ATXN7L1: variants seen among roughly 807,000 people sequenced by gnomAD.
The protein encoded by ATXN7L1 is ataxin 7 like 1, also known as ataxin-7-like protein 1.
In ATXN7L1, 15 loss-of-function variants were observed where a neutral mutation model predicts 70.8. The ratio of observed to expected loss-of-function variants is 0.21; its 90% confidence interval spans 0.14 to 0.33. The LOEUF (loss-of-function observed/expected upper bound fraction) is 0.33, where lower values mean the gene tolerates loss of function less well. ATXN7L1 is among the 10% of genes least tolerant of loss of function. The pLI, the probability that ATXN7L1 is intolerant of heterozygous loss-of-function variation, is 1.00. For missense variants in ATXN7L1, 975 were observed against 1,097.1 expected (o/e 0.89, Z 1.57); for synonymous variants, 440 against 445.1 (o/e 0.99, Z 0.14).
chr7:105,816,740 A>G (rs115462188), intron 2 of ATXN7L1, among the ~76,000 whole-genome samples: 3,110 of 152,362 alleles, frequency 0.02, 102 homozygotes, highest in African/African-American at 0.069. Context: ...GTTCCTATGC[A>G]GGACAAGCCA....
At chr7:105,856,586 C>CAAA (rs375731226) in intron 2 of ATXN7L1, among the ~76,000 whole-genome samples, 3 of 80,274 alleles carry the variant, frequency 3.7e-5, no homozygotes, top group Non-Finnish European at 7.5e-5. Flanking sequence ...GACTCAGTCT[C>CAAA]AAAAAAAAAA....
At chr7:105,678,427 T>C (rs1805045300) in intron 3 of ATXN7L1, among the ~76,000 whole-genome samples, 1 of 152,066 alleles carries the variant, frequency 6.6e-6, no homozygotes, top group Admixed American at 6.6e-5. Context: ...AGCCCGTCAG[T>C]CCACCTGTGG....
chr7:105,709,148 C>T (rs1793554205), intron 3 of ATXN7L1, among the ~76,000 whole-genome samples: 1 of 152,148 alleles, frequency 6.6e-6, no homozygotes, highest in African/African-American at 2.4e-5. Flanking sequence ...GGCTGGCCAA[C>T]ATGGTGAAAC....
chr7:105,649,455 G>A lies in ATXN7L1; in HGVS notation c.579-6334C>T, dbSNP rs562601351. On this transcript the variant is annotated intron_variant, in intron 4 of 11. Coordinates refer to ENST00000419735, the MANE Select transcript of ATXN7L1 (RefSeq NM_020725.2). ...AGTTGCCCACGTCTTCTTCCTTTGT[G>A]CTTGGCCTGTCTGAATTTATCTTTC... 18 of 987,794 alleles carry A rather than the reference G, an allele frequency of 1.8e-5. No homozygotes were observed. The South Asian group carries it at 6.6e-4, about 36-fold the overall frequency. The allele number at this position is 987,794 out of a possible 1,614,324, so 61.2% of individuals were successfully genotyped here.
chr7:105,873,568 G>C (rs1450950293), intron 2 of ATXN7L1, among the ~76,000 whole-genome samples: 2 of 152,182 alleles, frequency 1.3e-5, no homozygotes, highest in Non-Finnish European at 2.9e-5. Context: ...AAAGAAAACT[G>C]CATGCATATA....
At chr7:105,800,137 A>T (rs1251698704) in intron 2 of ATXN7L1, among the ~76,000 whole-genome samples, 1 of 152,200 alleles carries the variant, frequency 6.6e-6, no homozygotes, top group East Asian at 1.9e-4. Context: ...GGAAAATAAG[A>T]TCGATCAGCT....
At chr7:105,757,756 C>T (rs754937321) in intron 3 of ATXN7L1, among the ~76,000 whole-genome samples, 1 of 118,246 alleles carries the variant, frequency 8.5e-6, no homozygotes, top group Non-Finnish European at 1.6e-5. Context: ...CTAATTTTGA[C>T]ATTTTTTTTT....
chr7:105,688,571 C>T (rs927497502), intron 3 of ATXN7L1, among the ~76,000 whole-genome samples: 9 of 151,958 alleles, frequency 5.9e-5, no homozygotes, highest in Admixed American at 1.3e-4. Flanking sequence ...AAATCCCAAT[C>T]GGCTGTTTTC....
At chr7:105,642,425 A>G (rs1487993986) in intron 5 of ATXN7L1, among the ~76,000 whole-genome samples, 1 of 152,182 alleles carries the variant, frequency 6.6e-6, no homozygotes, top group African/African-American at 2.4e-5. Context: ...TGTCCCTCAC[A>G]TGCCTTGAGG....
intron 3 of ATXN7L1, among the ~76,000 whole-genome samples, chr7:105,671,498 C>T (rs945491895): frequency 2.2e-4 from 34 of 152,232 alleles, no homozygotes; most frequent in African/African-American, 7.9e-4. Flanking sequence ...AACACCCGTG[C>T]AGAATTAAGT....
At chr7:105,724,203 G>A (rs1048488614) in intron 3 of ATXN7L1, among the ~76,000 whole-genome samples, 1 of 152,196 alleles carries the variant, frequency 6.6e-6, no homozygotes, top group African/African-American at 2.4e-5. Flanking sequence ...GAGCCTCTTG[G>A]AATTATTTCC....
At chr7:105,771,860 G>T (rs1055178287) in intron 3 of ATXN7L1, among the ~76,000 whole-genome samples, 1 of 152,024 alleles carries the variant, frequency 6.6e-6, no homozygotes, top group East Asian at 1.9e-4. Context: ...TTGTGACCAA[G>T]ATACCAGGGG....
intron 2 of ATXN7L1, among the ~76,000 whole-genome samples, chr7:105,790,828 G>A (rs1020708264): frequency 1.3e-5 from 2 of 152,090 alleles, no homozygotes; most frequent in Non-Finnish European, 2.9e-5. Context: ...TAGCTGACTG[G>A]CTTTGAGAGG....
rs77823104 is a variant in ATXN7L1 at position 105,717,634 on chromosome 7, T to C, written c.356-52346A>G. Among the ~76,000 whole-genome samples the C allele has an allele frequency of 9.7e-3, 1,485 of 152,310 alleles. 36 individuals carry two copies. Among genetic ancestry groups the C allele is most frequent in the African/African-American group, 0.034 (1,411 of 41,558 alleles). ...CAGGTCCTTGATACATCTAGTCAAATGCCCAACATGAAGGGAGCCCCAATT... is the reference window on the plus strand; with the variant it reads ...CAGGTCCTTGATACATCTAGTCAAACGCCCAACATGAAGGGAGCCCCAATT... On this transcript the variant is annotated intron_variant, in intron 3 of 11. Coordinates refer to ENST00000419735, the MANE Select transcript of ATXN7L1 (RefSeq NM_020725.2).
chr7:105,702,310 G>A (rs973527167), intron 3 of ATXN7L1, among the ~76,000 whole-genome samples: 3 of 152,142 alleles, frequency 2.0e-5, no homozygotes, highest in Non-Finnish European at 4.4e-5. Context: ...TGGTACAGAC[G>A]GGATCCAAAC....
At chr7:105,671,003 A>T (rs1803497606) in intron 3 of ATXN7L1, among the ~76,000 whole-genome samples, 2 of 150,712 alleles carry the variant, frequency 1.3e-5, no homozygotes, top group African/African-American at 4.9e-5. Flanking sequence ...GCTACTCGGG[A>T]GGCTGAGGCA....
intron 3 of ATXN7L1, chr7:105,788,076 A>C (rs1804579529): frequency 6.5e-6 from 1 of 153,428 alleles, no homozygotes; most frequent in Admixed American, 6.4e-5. Context: ...AGCAGTTCCC[A>C]ACCCCACCTG....
intron 3 of ATXN7L1, among the ~76,000 whole-genome samples, chr7:105,715,531 G>A (rs2116283039): frequency 6.6e-6 from 1 of 152,392 alleles, no homozygotes; most frequent in East Asian, 1.9e-4. Flanking sequence ...GAAAGAGGCA[G>A]CTACCCTCCT....
At chr7:105,846,800 C>T (rs1275225020) in intron 2 of ATXN7L1, among the ~76,000 whole-genome samples, 2 of 152,152 alleles carry the variant, frequency 1.3e-5, no homozygotes, top group Non-Finnish European at 2.9e-5. Flanking sequence ...GGTATTGATA[C>T]CTGCTACCAC....
Sources: gnomAD v4.1 joint callset for allele counts (sites outside exome capture counted in the v4.1 genomes callset) on GRCh38, gnomAD v4.1.1 for gene constraint, MANE v1.5 for transcripts, NCBI Gene and HGNC (gene_info 2026-07-23, HGNC 2026-07-21) for gene names.